The following RREB1 variants were observed in gnomAD, a reference collection of about 807,000 sequenced individuals.
RREB1 encodes ras-responsive element-binding protein 1.
RREB1 carries 27 observed loss-of-function variants against 117.8 expected under a neutral mutation model. The ratio of observed to expected loss-of-function variants is 0.23; its 90% confidence interval spans 0.17 to 0.32. The LOEUF (loss-of-function observed/expected upper bound fraction) is 0.32, where lower values mean the gene tolerates loss of function less well. Ranked by LOEUF, RREB1 falls within the 10% of genes least tolerant of loss-of-function variation. The probability of loss-of-function intolerance (pLI) is 1.00; values close to 1 mark genes in which losing one functional copy is unlikely to be tolerated. For missense variants in RREB1, 2,577 were observed against 2,378.2 expected (o/e 1.08, Z -1.74); for synonymous variants, 1,298 against 1,026.7 (o/e 1.26, Z -5.05).
At chr6:7,246,300 G>A in intron 11 of RREB1, 124 bp from the exon 12 acceptor site, 1 of 789,976 alleles carries the variant, frequency 1.3e-6, no homozygotes. Flanking sequence ...TGGGCCGAAA[G>A]AAGTCCTCAC....
intron 1 of RREB1, among the ~76,000 whole-genome samples, chr6:7,127,487 G>C (rs1444156468): frequency 6.6e-6 from 1 of 152,118 alleles, no homozygotes; most frequent in Non-Finnish European, 1.5e-5. Context: ...ACAATGTTTA[G>C]ACTTCCCTAA....
intron 1 of RREB1, among the ~76,000 whole-genome samples, chr6:7,154,459 G>C (rs1763266864): frequency 6.6e-6 from 1 of 152,204 alleles, no homozygotes; most frequent in Admixed American, 6.5e-5. Context: ...ATAGACACTT[G>C]CTAATGTGAA....
intron 1 of RREB1, among the ~76,000 whole-genome samples, chr6:7,127,186 G>A (rs571075817): frequency 9.9e-5 from 15 of 152,218 alleles, no homozygotes; most frequent in East Asian, 3.9e-4. Context: ...ACGGGGGCTC[G>A]GTGGTGGAGT....
At position 7,108,886 on chromosome 6, in the gene RREB1, C is replaced by G. The variant is rs1217388108; in HGVS notation, c.-285+826C>G. 2.0e-5 allele frequency among the ~76,000 whole-genome samples: 3 copies of G among 151,690 alleles called. No homozygotes were observed. The East Asian group carries it at 5.9e-4, about 30-fold the overall frequency. On this transcript the variant is annotated intron_variant, in intron 1 of 12. Coordinates refer to ENST00000379938, the MANE Select transcript of RREB1 (RefSeq NM_001003699.4). ...TCCCGGCTGGCGGTCGTGGTCACGCCGACCACCGCCCCGGGGGGCCTGGGG... is the reference window on the plus strand; with the variant it reads ...TCCCGGCTGGCGGTCGTGGTCACGCGGACCACCGCCCCGGGGGGCCTGGGG...
Position 7,251,577 on chromosome 6 carries a change from A to C in RREB1, c.*2609A>C, listed in dbSNP as rs1215816976. On this transcript the variant is annotated 3_prime_UTR_variant, in exon 13 of 13. Coordinates refer to ENST00000379938, the MANE Select transcript of RREB1 (RefSeq NM_001003699.4). The stretch of plus-strand genomic sequence containing the variant: ...CATGAAACACCTGGCTGTGAAAACA[A>C]AACAACCCAGAGGGCTGTGTTCCAA... The C allele has an allele frequency of 6.6e-6, 1 of 151,740 alleles. No individual in the cohort carries two copies. The highest frequency in any genetic ancestry group is 1.5e-5 in the Non-Finnish European group (1 of 67,956). 9.4% of individuals were successfully genotyped at this position (151,740 alleles called of 1,614,324 possible).
chr6:7,134,684 A>G (rs1436914880), intron 1 of RREB1, among the ~76,000 whole-genome samples: 1 of 152,224 alleles, frequency 6.6e-6, no homozygotes, highest in Non-Finnish European at 1.5e-5. Flanking sequence ...ATATGTGTAA[A>G]TTTAATTGAT....
intron 1 of RREB1, among the ~76,000 whole-genome samples, chr6:7,142,651 G>A (rs985511673): frequency 1.3e-5 from 2 of 152,236 alleles, no homozygotes; most frequent in African/African-American, 2.4e-5. Flanking sequence ...GCCATGTGAT[G>A]GGCGGAGCCA....
intron 6 of RREB1, among the ~76,000 whole-genome samples, chr6:7,189,650 G>T (rs761164388): frequency 6.6e-6 from 1 of 152,112 alleles, no homozygotes; most frequent in African/African-American, 2.4e-5. Flanking sequence ...TAGCATCCAC[G>T]TAACCCTGCC....
intron 6 of RREB1, among the ~76,000 whole-genome samples, chr6:7,192,235 C>CAG (rs1048524519): frequency 6.7e-6 from 1 of 149,708 alleles, no homozygotes; most frequent in African/African-American, 2.5e-5. Flanking sequence ...TTCTTTCACC[C>CAG]AGGTCAGAGT....
At chr6:7,207,330 A>G (rs1766333326) in intron 6 of RREB1, among the ~76,000 whole-genome samples, 2 of 152,252 alleles carry the variant, frequency 1.3e-5, no homozygotes, top group Non-Finnish European at 1.5e-5. Flanking sequence ...ACTCATTTCT[A>G]CTCTCACCAA....
rs1461678808 is a variant in RREB1, at chr6:7,230,581, G to A, written c.2482G>A (p.Ala828Thr). ...GGACATCGAGAGCTACGTGCTGGCC[G>A]CCGACGGCCTGGGCCCCGCAGAGGC... ...EQDIESYVLA[A>T]DGLGPAEAPA... is the part of the protein sequence containing the mutation. Residue 828 changes from alanine (A) to threonine (T), a missense_variant, in exon 10 of 13, where the codon GCC (alanine) becomes ACC (threonine). Ala to Thr is a moderately conservative substitution (Grantham distance 58, BLOSUM62 0). Coordinates refer to ENST00000379938, the MANE Select transcript of RREB1 (RefSeq NM_001003699.4). 4 of 1,602,142 alleles carry A rather than the reference G, an allele frequency of 2.5e-6. No homozygotes were observed. The highest frequency in any genetic ancestry group is 3.4e-6 in the Non-Finnish European group (4 of 1,175,664).
chr6:7,232,766 T>TC lies in RREB1; in HGVS notation c.3808+859_3808+860insC, dbSNP rs1289348455. Reference sequence around the variant, plus strand: ...AGTATCTTCCTTTTTTCTTTTTCTTTTTTTTTTTTTTTTTTAAATAAAAGA... The same window carrying TC: ...AGTATCTTCCTTTTTTCTTTTTCTTTCTTTTTTTTTTTTTTTAAATAAAAGA... On this transcript the variant is annotated intron_variant, in intron 10 of 12. Transcript: ENST00000379938. 3.8e-4 allele frequency among the ~76,000 whole-genome samples: 57 copies of TC among 149,704 alleles called. 1 individual carries two copies. The highest frequency in any genetic ancestry group is 7.5e-4 in the African/African-American group (31 of 41,094).
chr6:7,145,979 C>G (rs1762835739), intron 1 of RREB1, among the ~76,000 whole-genome samples: 1 of 146,650 alleles, frequency 6.8e-6, no homozygotes, highest in Admixed American at 6.7e-5. Context: ...CTCTCTTTCT[C>G]TCTCTCTCTT....
chr6:7,170,586 T>C (rs1380529564), intron 1 of RREB1, among the ~76,000 whole-genome samples: 1 of 152,230 alleles, frequency 6.6e-6, no homozygotes, highest in Non-Finnish European at 1.5e-5. Flanking sequence ...CCAGGCCATG[T>C]GGTTTTGCCA....
At chr6:7,133,193 AG>A (rs1160987517) in intron 1 of RREB1, among the ~76,000 whole-genome samples, 1 of 152,132 alleles carries the variant, frequency 6.6e-6, no homozygotes, top group Non-Finnish European at 1.5e-5. Flanking sequence ...GAGGAAAGTG[AG>A]GCCTGGAGAG....
chr6:7,133,673 AATT>A, intron 1 of RREB1, among the ~76,000 whole-genome samples: 1 of 152,216 alleles, frequency 6.6e-6, no homozygotes, highest in Non-Finnish European at 1.5e-5. Flanking sequence ...AAGGATTAAA[AATT>A]ATTTTTTCAT....
intron 6 of RREB1, among the ~76,000 whole-genome samples, chr6:7,193,454 T>C (rs952961598): frequency 6.6e-6 from 1 of 152,170 alleles, no homozygotes; most frequent in African/African-American, 2.4e-5. Flanking sequence ...ATTTTGCAAA[T>C]GAGGAAAGGA....
At chr6:7,151,781 A>G (rs996673817) in intron 1 of RREB1, among the ~76,000 whole-genome samples, 7 of 152,198 alleles carry the variant, frequency 4.6e-5, no homozygotes, top group Non-Finnish European at 7.3e-5. Context: ...TCACAAATCA[A>G]TTACTGACAC....
Position 7,210,912 on chromosome 6 carries a change from C to T in RREB1, c.534C>T (p.Ala178=), listed in dbSNP as rs748889560. 1.7e-5 allele frequency: 28 copies of T among 1,613,972 alleles called. No individual in the cohort carries two copies. The highest frequency in any genetic ancestry group is 5.5e-5 in the South Asian group (5 of 91,076). ...CCAAGAGGAAACTGAGTCACGATGC[C>T]GAGTCAGAGAGAGAAGACCCAGCAC... is the stretch of plus-strand genomic sequence containing the variant. ...LSSKRKLSHD[A]ESEREDPAPA... Residue 178 remains alanine (A), a synonymous_variant, in exon 7 of 13, where the codon GCC becomes GCT. Coordinates refer to ENST00000379938, the MANE Select transcript of RREB1 (RefSeq NM_001003699.4).
Sources: allele counts gnomAD v4.1 joint callset (sites outside exome capture counted in the v4.1 genomes callset), GRCh38; gene constraint gnomAD v4.1.1; transcripts MANE v1.5; gene names NCBI Gene and HGNC (gene_info 2026-07-23, HGNC 2026-07-21).